The following UNC13C variants were observed in gnomAD, a reference collection of about 807,000 sequenced individuals.
The protein encoded by UNC13C is unc-13 homolog C.
Under a neutral mutation model 245.4 loss-of-function variants are expected in UNC13C, and 174 were observed. The observed-to-expected ratio is 0.71, with a 90% CI of 0.63 to 0.80. UNC13C has a LOEUF of 0.80. Ranked by LOEUF, UNC13C falls within the 30% of genes least tolerant of loss-of-function variation. The pLI, the probability that UNC13C is intolerant of heterozygous loss-of-function variation, is 0.00. For synonymous variants in UNC13C, 992 were observed against 895.1 expected (o/e 1.11, Z -1.93); for missense variants, 2,829 against 2,602.9 (o/e 1.09, Z -1.89).
chr15:54,016,205 TCAAA>T (rs1895648924), intron 2 of UNC13C, among the ~76,000 whole-genome samples: 1 of 152,192 alleles, frequency 6.6e-6, no homozygotes, highest in Non-Finnish European at 1.5e-5. Flanking sequence ...GCATCAGTTG[TCAAA>T]CAAAAGTTGA....
At chr15:54,051,354 T>A (rs573012423) in intron 2 of UNC13C, among the ~76,000 whole-genome samples, 6 of 152,168 alleles carry the variant, frequency 3.9e-5, no homozygotes, top group Non-Finnish European at 8.8e-5. Flanking sequence ...TTGACACTCA[T>A]TATTTAAAAA....
intron 4 of UNC13C, among the ~76,000 whole-genome samples, chr15:54,148,410 T>C (rs998031098): frequency 3.3e-5 from 5 of 152,222 alleles, no homozygotes; most frequent in African/African-American, 7.2e-5. Flanking sequence ...TCAATGTCAG[T>C]TAGGTTCAAC....
At chr15:54,617,074 G>T (rs746526958) in intron 30 of UNC13C, among the ~76,000 whole-genome samples, 2 of 151,974 alleles carry the variant, frequency 1.3e-5, no homozygotes, top group Non-Finnish European at 2.9e-5. Flanking sequence ...TACCACCTAG[G>T]TTTGTGTAAG....
the UNC13C span, among the ~76,000 whole-genome samples, chr15:53,949,797 T>C: frequency 1.3e-5 from 2 of 152,234 alleles, no homozygotes; most frequent in African/African-American, 4.8e-5. Context: ...ATTTGCACTT[T>C]ATAGTCCTCA....
chr15:54,050,976 A>G, intron 2 of UNC13C: 1 of 498,924 alleles, frequency 2.0e-6, no homozygotes, highest in Non-Finnish European at 4.1e-6. Context: ...GGTACCAGTT[A>G]CCAAGAAGCC....
At chr15:54,483,305 A>T (rs903024789) in intron 19 of UNC13C, among the ~76,000 whole-genome samples, 2 of 152,156 alleles carry the variant, frequency 1.3e-5, no homozygotes, top group African/African-American at 2.4e-5. Flanking sequence ...CATTATATTC[A>T]TCTGAATGCT....
At chr15:54,339,164 G>A (rs1173806836) in intron 17 of UNC13C, among the ~76,000 whole-genome samples, 4 of 152,134 alleles carry the variant, frequency 2.6e-5, no homozygotes, top group Non-Finnish European at 5.9e-5. Flanking sequence ...CACCACGCCT[G>A]GCCTATATGT....
At chr15:54,273,349 A>G (rs8026128) in intron 10 of UNC13C, among the ~76,000 whole-genome samples, 61,245 of 151,714 alleles carry the variant, frequency 0.4, 12,658 homozygotes, top group Middle Eastern at 0.43. Flanking sequence ...CTGTGTCCCT[A>G]TCTCCCTCCT....
the UNC13C span, among the ~76,000 whole-genome samples, chr15:53,874,779 T>C: frequency 4.8e-3 from 733 of 152,312 alleles, 7 homozygotes; most frequent in Middle Eastern, 0.027. Flanking sequence ...ACTTGGCACT[T>C]CTTTAATTGC....
At chr15:54,526,719 G>A (rs1040281408) in intron 25 of UNC13C, among the ~76,000 whole-genome samples, 19 of 143,942 alleles carry the variant, frequency 1.3e-4, no homozygotes, top group Non-Finnish European at 2.3e-4. Flanking sequence ...ACTCCAGCCT[G>A]GGCAACAGAG....
At chr15:53,970,589 A>G in the UNC13C span, among the ~76,000 whole-genome samples, 3 of 152,262 alleles carry the variant, frequency 2.0e-5, no homozygotes, top group South Asian at 6.2e-4. Context: ...ACAGAAAACC[A>G]AATACCACAT....
intron 2 of UNC13C, among the ~76,000 whole-genome samples, chr15:54,090,728 T>C (rs1468657318): frequency 6.6e-6 from 1 of 152,186 alleles, no homozygotes; most frequent in African/African-American, 2.4e-5. Context: ...GAGATGGTAG[T>C]TGTTACAGCA....
At position 54,533,295 on chromosome 15, in the gene UNC13C, G is replaced by A. The variant is rs149642799; in HGVS notation, c.5696+229G>A. Among the ~76,000 whole-genome samples the A allele has an allele frequency of 1.8e-4, 27 of 152,238 alleles. No individual in the cohort carries two copies. The East Asian group carries it at 4.6e-3, about 26-fold the overall frequency. On this transcript the variant is annotated intron_variant, in intron 26 of 32. Transcript: ENST00000260323. Reference sequence around the variant, plus strand: ...CTTTGTACAAGAAAGGAAAGAAAGAGGGGAAATAAATTTTATAACTAAGGA... The same window carrying A: ...CTTTGTACAAGAAAGGAAAGAAAGAAGGGAAATAAATTTTATAACTAAGGA...
At chr15:53,994,018 AC>A (rs1894507619) in intron 1 of UNC13C, among the ~76,000 whole-genome samples, 1 of 152,022 alleles carries the variant, frequency 6.6e-6, no homozygotes, top group Non-Finnish European at 1.5e-5. Context: ...ATTTCATATT[AC>A]CTTCTTAATT....
chr15:54,235,039 T>C lies in UNC13C; in HGVS notation c.3081T>C (p.Gly1027=), dbSNP rs1240571110. ...TTATTTTGTCTTTCAGGGCTGGAGG[T>C]GGACTTTATGGTATTGACAGCATGC... The part of the protein sequence containing the change: ...SALQVCGGAG[G]GLYGIDSMPD... Residue 1027 remains glycine, a synonymous_variant, in exon 5 of 33, where the codon GGT becomes GGC. Transcript: ENST00000260323. 1 of 1,613,870 alleles carries C rather than the reference T, an allele frequency of 6.2e-7. No individual in the cohort carries two copies. The highest frequency in any genetic ancestry group is 1.1e-5 in the South Asian group (1 of 91,078).
At chr15:54,467,132 G>A (rs1362572866) in intron 19 of UNC13C, among the ~76,000 whole-genome samples, 1 of 151,756 alleles carries the variant, frequency 6.6e-6, no homozygotes, top group African/African-American at 2.4e-5. Flanking sequence ...TTTTAAACAA[G>A]GACTGGAAAT....
At chr15:54,158,574 C>A (rs1331441544) in intron 4 of UNC13C, among the ~76,000 whole-genome samples, 2 of 152,160 alleles carry the variant, frequency 1.3e-5, no homozygotes, top group Non-Finnish European at 2.9e-5. Flanking sequence ...ACGCCTCAGC[C>A]TCCCAAAGTA....
chr15:54,259,232 C>T lies in UNC13C; in HGVS notation c.3449-4936C>T, dbSNP rs186680419. On this transcript the variant is annotated intron_variant, in intron 8 of 32. Transcript: ENST00000260323. ...CAATGGGATGCAAACATTCAGACTA[C>T]GCCAGTTAGTTAAGTGGCAGATCAG... 5.8e-4 allele frequency among the ~76,000 whole-genome samples: 89 copies of T among 152,332 alleles called. 1 individual carries two copies. The highest frequency in any genetic ancestry group is 4.3e-3 in the Admixed American group (66 of 15,306).
At chr15:54,349,734 C>A (rs118142301) in intron 17 of UNC13C, among the ~76,000 whole-genome samples, 3,128 of 152,230 alleles carry the variant, frequency 0.021, 56 homozygotes, top group South Asian at 0.057. Flanking sequence ...CATATTTTCA[C>A]AAAGTTCACC....
Sources: gnomAD v4.1 joint callset for allele counts (sites outside exome capture counted in the v4.1 genomes callset) on GRCh38, gnomAD v4.1.1 for gene constraint, MANE v1.5 for transcripts, NCBI Gene and HGNC (gene_info 2026-07-23, HGNC 2026-07-21) for gene names.